STX18: variants seen among roughly 807,000 people sequenced by gnomAD.
STX18 encodes syntaxin 18, also known as syntaxin-18.
A neutral mutation model predicts 50.1 loss-of-function variants in STX18; 40 were observed. That is an observed-to-expected ratio of 0.80 (90% CI 0.62 to 1.04). The LOEUF (loss-of-function observed/expected upper bound fraction) is 1.04, where lower values mean the gene tolerates loss of function less well. Among genes scored for constraint, STX18 ranks in the 50% least tolerant of loss-of-function variants. The probability of loss-of-function intolerance (pLI) is 0.00; values close to 1 mark genes in which losing one functional copy is unlikely to be tolerated. For missense variants in STX18, 410 were observed against 415.8 expected, an observed-to-expected ratio of 0.99 and a Z score of 0.12; for synonymous variants, 158 against 151.8, an observed-to-expected ratio of 1.04 and a Z score of -0.30.
intron 1 of STX18, among the ~76,000 whole-genome samples, chr4:4,522,743 A>G (rs565504706): frequency 6.6e-6 from 1 of 152,366 alleles, no homozygotes; most frequent in East Asian, 1.9e-4. Flanking sequence ...ACAAAGTCAG[A>G]GGTAAAATTA....
chr4:4,542,000 C>T lies in STX18; in HGVS notation c.-36G>A, dbSNP rs767356839. The T allele has an allele frequency of 8.5e-6, 13 of 1,534,644 alleles. No homozygotes were observed. Among genetic ancestry groups the T allele is most frequent in the South Asian group, 4.9e-5 (4 of 82,118 alleles). On this transcript the variant is annotated 5_prime_UTR_variant, in exon 1 of 11. Transcript: ENST00000306200. ...ACCCTCAGCCCCACACTAGGCCCGC[C>T]CACGTAAGCAGCCGGCGACCGCGGC...
At position 4,511,762 on chromosome 4, in the gene STX18, A is replaced by G. The variant is rs73796038; in HGVS notation, c.168+30035T>C. 8.8e-3 allele frequency among the ~76,000 whole-genome samples: 752 copies of G among 85,570 alleles called. 4 individuals are homozygous for G. The highest frequency in any genetic ancestry group is 0.013 in the Non-Finnish European group (525 of 40,768). The allele number at this position is 85,570 out of a possible 152,430, so 56.1% of individuals were successfully genotyped here. ...TGTGTGTGTGTGTGTGTGTGTGTGT[A>G]TGCCCCTAGGTTAAGGTCCTCTTAA... On this transcript the variant is annotated intron_variant, in intron 1 of 10. Transcript: ENST00000306200.
intron 8 of STX18, among the ~76,000 whole-genome samples, chr4:4,424,306 A>C (rs1275184595): frequency 7.2e-5 from 11 of 152,156 alleles, no homozygotes; most frequent in Non-Finnish European, 1.5e-5. Context: ...AAGTGACAGG[A>C]GGCAAAAAGT....
chr4:4,443,963 G>C (rs1484909419), intron 5 of STX18, among the ~76,000 whole-genome samples: 2 of 152,192 alleles, frequency 1.3e-5, no homozygotes, highest in Admixed American at 1.3e-4. Context: ...CTTGGCTCCT[G>C]GGAGATAACC....
intron 1 of STX18, among the ~76,000 whole-genome samples, chr4:4,530,476 T>C (rs1731043203): frequency 6.6e-6 from 1 of 152,052 alleles, no homozygotes; most frequent in African/African-American, 2.4e-5. Flanking sequence ...GGAATAATGC[T>C]GTAGTGTCTC....
intron 1 of STX18, among the ~76,000 whole-genome samples, chr4:4,493,391 G>A (rs115982842): frequency 0.041 from 6,144 of 151,166 alleles, 195 homozygotes; most frequent in Non-Finnish European, 0.06. Flanking sequence ...ATGAGTTGCA[G>A]AAAGAGACAG....
At chr4:4,527,867 C>CATATATATATATAT (rs1553851958) in intron 1 of STX18, among the ~76,000 whole-genome samples, 2 of 137,208 alleles carry the variant, frequency 1.5e-5, no homozygotes, top group African/African-American at 5.3e-5. Flanking sequence ...CACACACACA[C>CATATATATATATAT]ATATATATAT....
intron 5 of STX18, among the ~76,000 whole-genome samples, chr4:4,445,700 G>A (rs1726359073): frequency 1.3e-5 from 2 of 152,092 alleles, no homozygotes; most frequent in Non-Finnish European, 2.9e-5. Context: ...GTGGAAGACA[G>A]AAATAAATGC....
At chr4:4,464,992 T>A (rs1194934061) in intron 2 of STX18, among the ~76,000 whole-genome samples, 4 of 152,172 alleles carry the variant, frequency 2.6e-5, no homozygotes, top group African/African-American at 9.7e-5. Flanking sequence ...GTTTGTTTGC[T>A]CTTGGCTCTT....
chr4:4,459,056 A>ACACG (rs1727234474), intron 3 of STX18, among the ~76,000 whole-genome samples: 1 of 136,420 alleles, frequency 7.3e-6, no homozygotes, highest in East Asian at 2.0e-4. Flanking sequence ...CAGAACACAC[A>ACACG]CACACGCACA....
At chr4:4,455,883 T>C (rs1727036256) in intron 5 of STX18, among the ~76,000 whole-genome samples, 3 of 152,168 alleles carry the variant, frequency 2.0e-5, no homozygotes, top group Admixed American at 2.0e-4. Flanking sequence ...ATCCTTTCAG[T>C]GTGACAAATC....
chr4:4,459,708 C>G (rs1727278238), intron 2 of STX18, among the ~76,000 whole-genome samples: 1 of 152,126 alleles, frequency 6.6e-6, no homozygotes, highest in Non-Finnish European at 1.5e-5. Flanking sequence ...GGAATAGACC[C>G]AACTGACGTA....
At chr4:4,434,712 T>G in intron 7 of STX18, 58 bp downstream of exon 7, 1 of 1,429,120 alleles carries the variant, frequency 7.0e-7, no homozygotes, top group Non-Finnish European at 9.6e-7. Context: ...TTCTCCTTAG[T>G]GAAACAGTCT....
intron 1 of STX18, among the ~76,000 whole-genome samples, chr4:4,487,182 CTT>C (rs1728735810): frequency 6.6e-6 from 1 of 152,076 alleles, no homozygotes; most frequent in Admixed American, 6.6e-5. Flanking sequence ...TAAGGAAGAA[CTT>C]TGAACTTTCT....
chr4:4,484,321 T>G (rs1295792425), intron 1 of STX18, among the ~76,000 whole-genome samples: 1 of 152,208 alleles, frequency 6.6e-6, no homozygotes, highest in South Asian at 2.1e-4. Context: ...AACAGAACCA[T>G]TGCTTCCCTT....
At chr4:4,506,613 C>T (rs1577384709) in intron 1 of STX18, among the ~76,000 whole-genome samples, 1 of 149,818 alleles carries the variant, frequency 6.7e-6, no homozygotes, top group Non-Finnish European at 1.5e-5. Context: ...AACACACATA[C>T]ACACACAGGG....
At chr4:4,488,870 T>A (rs1386091442) in intron 1 of STX18, among the ~76,000 whole-genome samples, 1 of 152,136 alleles carries the variant, frequency 6.6e-6, no homozygotes, top group Non-Finnish European at 1.5e-5. Flanking sequence ...TCAAAACTGT[T>A]ACCTTGTTCA....
chr4:4,488,018 T>TA (rs1469629778), intron 1 of STX18, among the ~76,000 whole-genome samples: 3 of 152,150 alleles, frequency 2.0e-5, no homozygotes, highest in Non-Finnish European at 2.9e-5. Flanking sequence ...CATGATGTGT[T>TA]AAAAGTTGTT....
chr4:4,542,026 G>A lies in STX18; in HGVS notation c.-62C>T, dbSNP rs985934908. ...CACGTAAGCAGCCGGCGACCGCGGCGCGAACCCGGCCGCTGAAGGACTGGT... is the reference window on the plus strand; with the variant it reads ...CACGTAAGCAGCCGGCGACCGCGGCACGAACCCGGCCGCTGAAGGACTGGT... On this transcript the variant is annotated 5_prime_UTR_variant, in exon 1 of 11. Transcript: ENST00000306200. 3.4e-6 allele frequency: 5 copies of A among 1,475,278 alleles called. No homozygotes were observed. Among genetic ancestry groups the A allele is most frequent in the Non-Finnish European group, 3.6e-6 (4 of 1,110,082 alleles). The allele number at this position is 1,475,278 out of a possible 1,614,324, so 91.4% of individuals were successfully genotyped here. A position where few individuals can be genotyped will look rare whatever the true frequency, so the allele number is the denominator to read the frequency against.
Sources: allele counts gnomAD v4.1 joint callset (sites outside exome capture counted in the v4.1 genomes callset), GRCh38; gene constraint gnomAD v4.1.1; transcripts MANE v1.5; gene names NCBI Gene and HGNC (gene_info 2026-07-23, HGNC 2026-07-21).